The following ABCG2 variants were observed in gnomAD, a reference collection of about 807,000 sequenced individuals.
ABCG2 encodes broad substrate specificity ATP-binding cassette transporter ABCG2.
A neutral mutation model predicts 73.5 loss-of-function variants in ABCG2; 80 were observed. That is an observed-to-expected ratio of 1.09 (90% CI 0.91 to 1.31). ABCG2 has a LOEUF of 1.31. ABCG2 is among the 50% of genes most tolerant of loss of function. The pLI is 0.00. For missense variants in ABCG2, 796 were observed against 786.2 expected, an observed-to-expected ratio of 1.01 and a Z score of -0.15; for synonymous variants, 269 against 282.4, an observed-to-expected ratio of 0.95 and a Z score of 0.48.
At chr4:88,211,558 C>A (rs747944857) in intron 1 of ABCG2, among the ~76,000 whole-genome samples, 17 of 151,940 alleles carry the variant, frequency 1.1e-4, no homozygotes, top group Non-Finnish European at 2.5e-4. Context: ...CTGGGACTAC[C>A]GGAGTACACC....
upstream of ABCG2, chr4:88,158,984 C>A: frequency 2.8e-6 from 1 of 360,774 alleles, no homozygotes; most frequent in South Asian, 2.0e-5. Context: ...GCCCCGACTG[C>A]CGGGCCGCGA....
At chr4:88,176,527 T>G (rs1287886428) in intron 1 of ABCG2, among the ~76,000 whole-genome samples, 1 of 143,618 alleles carries the variant, frequency 7.0e-6, no homozygotes, top group Non-Finnish European at 1.5e-5. Flanking sequence ...TTCACTCAGG[T>G]TGGAGTGTGA....
At chr4:88,210,499 G>A (rs1002649491) in intron 1 of ABCG2, among the ~76,000 whole-genome samples, 2 of 152,112 alleles carry the variant, frequency 1.3e-5, no homozygotes, top group Non-Finnish European at 2.9e-5. Context: ...ATTCAGTGAG[G>A]ATGAAGGATG....
chr4:88,154,003 T>G (rs1301550755), intron 1 of ABCG2, among the ~76,000 whole-genome samples: 1 of 152,044 alleles, frequency 6.6e-6, no homozygotes, highest in Admixed American at 6.6e-5. Flanking sequence ...GGTTATGAAA[T>G]GATGACAGAA....
At chr4:88,197,685 G>A (rs1347010510) in intron 1 of ABCG2, among the ~76,000 whole-genome samples, 1 of 151,960 alleles carries the variant, frequency 6.6e-6, no homozygotes, top group Non-Finnish European at 1.5e-5. Context: ...TGTGGCTGTA[G>A]TCCTAGCTAC....
chr4:88,117,304 A>C (rs960803403), intron 7 of ABCG2, among the ~76,000 whole-genome samples: 5 of 151,290 alleles, frequency 3.3e-5, no homozygotes, highest in African/African-American at 1.2e-4. Context: ...TGGGTGACAC[A>C]GTGAGATCCT....
rs191220353 is a variant in ABCG2, at chr4:88,127,326, T to C, written c.531+3735A>G. Among the ~76,000 whole-genome samples the C allele has an allele frequency of 1.2e-4, 19 of 152,256 alleles. No homozygotes were observed. The East Asian group carries it at 3.7e-3, about 29-fold the overall frequency. ...TCATGGATAGGAAGAATCAATATCA[T>C]GAGAATGGCCATACTGCCCAAAGTA... is the stretch of plus-strand genomic sequence containing the variant. On this transcript the variant is annotated intron_variant, in intron 5 of 15. Transcript: ENST00000237612.
chr4:88,095,153 A>T lies in ABCG2; in HGVS notation c.1737+367T>A, dbSNP rs45624031. ...AAAAGCCAATATGACTATGCTTATT[A>T]TATGGTCTTTGCTCTTCTAATTTTC... On this transcript the variant is annotated intron_variant, in intron 14 of 15. Transcript: ENST00000237612. 4.8e-3 allele frequency among the ~76,000 whole-genome samples: 725 copies of T among 152,338 alleles called. 4 individuals carry two copies. The highest frequency in any genetic ancestry group is 0.016 in the African/African-American group (645 of 41,572).
chr4:88,131,862 G>A lies in ABCG2; in HGVS notation c.319C>T (p.Leu107=), dbSNP rs746120760. 3.1e-6 allele frequency: 5 copies of A among 1,613,888 alleles called. No homozygotes were observed. The Admixed American group carries it at 8.3e-5, about 27-fold the overall frequency. Residue 107 remains leucine, a synonymous_variant, in exon 4 of 16, where the codon CTG becomes TTG. Coordinates refer to ENST00000237612, the MANE Select transcript of ABCG2 (RefSeq NM_004827.3). ...KDPSGLSGDV[L]INGAPRPANF... ...GCAGGTCGCGGTGCTCCATTTATCAGAACATCTCCAGATAATCCACTTGGA... is the reference window on the plus strand; with the variant it reads ...GCAGGTCGCGGTGCTCCATTTATCAAAACATCTCCAGATAATCCACTTGGA...
chr4:88,186,811 T>C (rs930588953), intron 1 of ABCG2, among the ~76,000 whole-genome samples: 3 of 145,874 alleles, frequency 2.1e-5, no homozygotes, highest in Non-Finnish European at 3.0e-5. Context: ...CCCAGCTACT[T>C]GGGAGGCTGA....
intron 9 of ABCG2, among the ~76,000 whole-genome samples, chr4:88,108,511 G>A (rs1053880988): frequency 3.9e-5 from 6 of 152,028 alleles, no homozygotes; most frequent in Non-Finnish European, 8.8e-5. Context: ...CAGCCTGGGC[G>A]ACAGAGCGAT....
At chr4:88,118,640 T>C (rs763872882) in intron 6 of ABCG2, among the ~76,000 whole-genome samples, 9 of 152,246 alleles carry the variant, frequency 5.9e-5, no homozygotes, top group Non-Finnish European at 1.0e-4. Flanking sequence ...ATGGACTGCA[T>C]ATTAAAACAA....
intron 8 of ABCG2, among the ~76,000 whole-genome samples, chr4:88,114,710 A>G (rs1017906217): frequency 6.6e-6 from 1 of 152,098 alleles, no homozygotes; most frequent in Admixed American, 6.5e-5. Context: ...TAAAAACACT[A>G]TATAAACACT....
intron 1 of ABCG2, among the ~76,000 whole-genome samples, chr4:88,176,172 T>G (rs1005231780): frequency 3.9e-5 from 6 of 152,084 alleles, no homozygotes; most frequent in African/African-American, 1.2e-4. Context: ...TTTTTTCTTT[T>G]TTTGTGGAGA....
At chr4:88,167,271 C>CA (rs1727562345) in intron 1 of ABCG2, among the ~76,000 whole-genome samples, 1 of 151,850 alleles carries the variant, frequency 6.6e-6, no homozygotes, top group African/African-American at 2.4e-5. Context: ...GGGGCACCCT[C>CA]AGCTCCTCTT....
At chr4:88,174,935 T>A (rs1415715957) in intron 1 of ABCG2, among the ~76,000 whole-genome samples, 1 of 152,142 alleles carries the variant, frequency 6.6e-6, no homozygotes, top group Non-Finnish European at 1.5e-5. Context: ...CCAGTTTCAG[T>A]TTTCTGCATA....
At chr4:88,214,670 G>A (rs982615592) in intron 1 of ABCG2, among the ~76,000 whole-genome samples, 3 of 148,032 alleles carry the variant, frequency 2.0e-5, no homozygotes, top group African/African-American at 7.5e-5. Flanking sequence ...GACCAGCTTG[G>A]GCAACAAAGA....
chr4:88,144,805 G>A (rs1725869867), intron 1 of ABCG2, among the ~76,000 whole-genome samples: 1 of 151,906 alleles, frequency 6.6e-6, no homozygotes, highest in Non-Finnish European at 1.5e-5. Flanking sequence ...AATATATGCT[G>A]GTACTCTATT....
At chr4:88,136,512 C>T (rs2725254) in intron 2 of ABCG2, among the ~76,000 whole-genome samples, 52,029 of 151,788 alleles carry the variant, frequency 0.34, 9,112 homozygotes, top group South Asian at 0.38. Context: ...TTGAGATGTG[C>T]CTGGGAAACA....
Sources: gnomAD v4.1 joint callset for allele counts (sites outside exome capture counted in the v4.1 genomes callset) on GRCh38, gnomAD v4.1.1 for gene constraint, MANE v1.5 for transcripts, NCBI Gene and HGNC (gene_info 2026-07-23, HGNC 2026-07-21) for gene names.